Variants in SNX2 observed in about 807,000 individuals in gnomAD.
The protein encoded by SNX2 is sorting nexin 2.
In SNX2, 25 loss-of-function variants were observed where a neutral mutation model predicts 69.9. The observed-to-expected ratio is 0.36, with a 90% CI of 0.26 to 0.50. The LOEUF is 0.50. SNX2 is among the 20% of genes least tolerant of loss of function. SNX2 has a pLI of 0.97. For synonymous variants in SNX2, 229 were observed against 200.4 expected (o/e 1.14, Z -1.20); for missense variants, 551 against 613.3 (o/e 0.90, Z 1.07).
At chr5:122,780,710 C>T (rs1752962250) in intron 1 of SNX2, among the ~76,000 whole-genome samples, 1 of 151,760 alleles carries the variant, frequency 6.6e-6, no homozygotes, top group Admixed American at 6.6e-5. Context: ...GCTGGGATTA[C>T]AGGTGCACGC....
upstream of SNX2, chr5:122,775,028 G>T: frequency 7.5e-7 from 1 of 1,340,890 alleles, no homozygotes; most frequent in African/African-American, 1.5e-5. Flanking sequence ...CTGGCGGGTC[G>T]GCGCGGGCCC....
intron 7 of SNX2, among the ~76,000 whole-genome samples, chr5:122,811,602 T>G (rs950840484): frequency 9.9e-5 from 15 of 151,754 alleles, no homozygotes; most frequent in Non-Finnish European, 1.9e-4. Context: ...GAGGCTGAGG[T>G]GGGTGGATCA....
chr5:122,812,450 T>A (rs990601629), intron 7 of SNX2, among the ~76,000 whole-genome samples: 1 of 152,226 alleles, frequency 6.6e-6, no homozygotes, highest in Admixed American at 6.5e-5. Flanking sequence ...TCTGCATAGC[T>A]AACTCATTTC....
In SNX2 at chr5:122,816,917, G is replaced by A. The variant is rs150535751; in HGVS notation, c.801G>A (p.Leu267=). ...DLRQFLESSE[L]PRAVNTQALS... Reference sequence around the variant, plus strand: ...CCTTATTTGTCATTCAATTCCAGCTGCCTAGAGCAGTTAATACACAGGCTC... The same window carrying A: ...CCTTATTTGTCATTCAATTCCAGCTACCTAGAGCAGTTAATACACAGGCTC... Residue 267 remains leucine, a splice_region_variant and synonymous_variant, in exon 9 of 15, where the codon CTG becomes CTA. Coordinates refer to ENST00000379516, the MANE Select transcript of SNX2 (RefSeq NM_003100.4). 2.7e-5 allele frequency: 43 copies of A among 1,603,318 alleles called. No homozygotes were observed. The African/African-American group carries it at 5.2e-4, about 19-fold the overall frequency.
chr5:122,812,474 G>A (rs566926026), intron 7 of SNX2, among the ~76,000 whole-genome samples: 3 of 152,184 alleles, frequency 2.0e-5, no homozygotes, highest in South Asian at 4.2e-4. Context: ...GTTCAAGTTC[G>A]TATGTTCAAA....
intron 6 of SNX2, among the ~76,000 whole-genome samples, chr5:122,806,581 A>G (rs1275473992): frequency 6.8e-6 from 1 of 147,872 alleles, no homozygotes; most frequent in African/African-American, 2.5e-5. Flanking sequence ...TTAACTAGTT[A>G]CGGTAGGTTG....
rs1178640049 is a variant in SNX2 at position 122,829,479 on chromosome 5, A to G, written c.1510-119A>G. The stretch of plus-strand genomic sequence containing the variant: ...CTCAGCCTCCCAAAGTGCTGGAATT[A>G]TAGGTGTGAGCTACCCAGCCCGGCT... On this transcript the variant is annotated intron_variant, in intron 14 of 14. Coordinates refer to ENST00000379516, the MANE Select transcript of SNX2 (RefSeq NM_003100.4). 6.7e-4 allele frequency: 457 copies of G among 685,076 alleles called. 1 individual carries two copies. The highest frequency in any genetic ancestry group is 6.3e-5 in the Non-Finnish European group (25 of 395,818). 42.4% of individuals were successfully genotyped at this position (685,076 alleles called of 1,614,324 possible).
intron 7 of SNX2, among the ~76,000 whole-genome samples, chr5:122,809,327 C>G (rs1040517856): frequency 1.5e-4 from 23 of 152,116 alleles, no homozygotes; most frequent in African/African-American, 5.6e-4. Flanking sequence ...TACTGAGGGA[C>G]AGCTATACTT....
intron 1 of SNX2, among the ~76,000 whole-genome samples, chr5:122,776,530 C>G (rs1752860964): frequency 6.6e-6 from 1 of 152,078 alleles, no homozygotes; most frequent in Non-Finnish European, 1.5e-5. Context: ...AAATGTTTGC[C>G]TGAGTTAAAA....
chr5:122,806,142 G>GCGCACGCACACACACACA, intron 6 of SNX2, among the ~76,000 whole-genome samples: 26 of 130,648 alleles, frequency 2.0e-4, no homozygotes, highest in South Asian at 7.0e-4. Context: ...ACACGCGCGC[G>GCGCACGCACACACACACA]CACACACACA....
Position 122,808,344 on chromosome 5 carries a change from A to C in SNX2, c.711A>C (p.Ala237=). Residue 237 remains alanine (A), a synonymous_variant, in exon 7 of 15, where the codon GCA becomes GCC. Transcript: ENST00000379516. ...SSTEFVEKRR[A]ALERYLQRTV... is the part of the protein sequence containing the mutation. ...CTGAGTTTGTAGAAAAACGGAGAGC[A>C]GCTCTTGAAAGGTAATTCTAGACAG... 1.9e-6 allele frequency: 3 copies of C among 1,608,146 alleles called. No individual in the cohort carries two copies. Among genetic ancestry groups the C allele is most frequent in the Non-Finnish European group, 2.6e-6 (3 of 1,176,334 alleles).
At chr5:122,795,907 A>G (rs961125309) in intron 2 of SNX2, among the ~76,000 whole-genome samples, 2 of 152,208 alleles carry the variant, frequency 1.3e-5, no homozygotes, top group Admixed American at 6.5e-5. Context: ...TCCTAACTTA[A>G]GAAGGACTCT....
At chr5:122,789,468 CACACGG>C (rs1474234123) in intron 1 of SNX2, among the ~76,000 whole-genome samples, 3 of 120,828 alleles carry the variant, frequency 2.5e-5, no homozygotes, top group Middle Eastern at 4.3e-3. Flanking sequence ...CACACAGACA[CACACGG>C]ACACACACAC....
At chr5:122,790,691 A>G (rs898736632) in intron 1 of SNX2, among the ~76,000 whole-genome samples, 3 of 152,218 alleles carry the variant, frequency 2.0e-5, no homozygotes, top group African/African-American at 4.8e-5. Flanking sequence ...AGAAATACAT[A>G]TAAGTGAGAG....
chr5:122,790,122 C>G (rs562378050), intron 1 of SNX2, among the ~76,000 whole-genome samples: 1 of 152,058 alleles, frequency 6.6e-6, no homozygotes, highest in Non-Finnish European at 1.5e-5. Flanking sequence ...TGAGGAGGAT[C>G]CACTTTTTCT....
At chr5:122,779,662 C>T (rs191981819) in intron 1 of SNX2, among the ~76,000 whole-genome samples, 1 of 152,156 alleles carries the variant, frequency 6.6e-6, no homozygotes, top group Non-Finnish European at 1.5e-5. Context: ...TGTGGTAACT[C>T]CATGTTTAAT....
chr5:122,829,732 A>C lies in SNX2; in HGVS notation c.*84A>C. The C allele has an allele frequency of 9.6e-7, 1 of 1,046,522 alleles. No individual in the cohort carries two copies. Among genetic ancestry groups the C allele is most frequent in the South Asian group, 1.3e-5 (1 of 77,960 alleles). 64.8% of individuals were successfully genotyped at this position (1,046,522 alleles called of 1,614,324 possible). On this transcript the variant is annotated 3_prime_UTR_variant, in exon 15 of 15. Transcript: ENST00000379516. ...ACAGTGAAATCATTTAAAACCATCT[A>C]AATAAACCACTATATATTTTATGAA... is the stretch of plus-strand genomic sequence containing the variant.
chr5:122,812,116 T>A lies in SNX2; in HGVS notation c.722+3761T>A, dbSNP rs575272146. 2.0e-5 allele frequency among the ~76,000 whole-genome samples: 3 copies of A among 152,308 alleles called. No homozygotes were observed. In the East Asian group the frequency reaches 5.8e-4, roughly 29 times the overall value. On this transcript the variant is annotated intron_variant, in intron 7 of 14. Transcript: ENST00000379516. ...TAGCCTCCTAATTGGTGTCCCTGAT[T>A]CCATTCTTGGCACTTCTACTTTAAT... is the stretch of plus-strand genomic sequence containing the variant.
intron 1 of SNX2, among the ~76,000 whole-genome samples, chr5:122,789,458 CACACAGACACACACGG>C (rs1753173178): frequency 3.0e-5 from 2 of 66,896 alleles, no homozygotes; most frequent in African/African-American, 8.2e-5. Flanking sequence ...CACACACACA[CACACAGACACACACGG>C]ACACACACAC....
Sources: gnomAD v4.1 joint callset for allele counts (sites outside exome capture counted in the v4.1 genomes callset) on GRCh38, gnomAD v4.1.1 for gene constraint, MANE v1.5 for transcripts, NCBI Gene and HGNC (gene_info 2026-07-23, HGNC 2026-07-21) for gene names.